The following ZNF675 variants were observed in gnomAD, a reference collection of about 807,000 sequenced individuals.
ZNF675 encodes the protein zinc finger protein 675, also known as TRAF6 inhibitory zinc finger.
A neutral mutation model predicts 56.1 loss-of-function variants in ZNF675; 36 were observed. The ratio of observed to expected loss-of-function variants is 0.64; its 90% confidence interval spans 0.49 to 0.85. The LOEUF (loss-of-function observed/expected upper bound fraction) is 0.85. ZNF675 is among the 40% of genes least tolerant of loss of function. The pLI is 0.00. For missense variants in ZNF675, 663 were observed against 654.2 expected, an observed-to-expected ratio of 1.01 and a Z score of -0.15; for synonymous variants, 200 against 218.9, an observed-to-expected ratio of 0.91 and a Z score of 0.76.
intron 3 of ZNF675, among the ~76,000 whole-genome samples, chr19:23,659,014 T>C (rs1347720878): frequency 6.9e-6 from 1 of 145,380 alleles, no homozygotes; most frequent in African/African-American, 2.7e-5. Context: ...TATAAAATGT[T>C]AAATATATAA....
At chr19:23,673,607 A>G (rs1232600517) in intron 1 of ZNF675, among the ~76,000 whole-genome samples, 3 of 152,210 alleles carry the variant, frequency 2.0e-5, no homozygotes, top group African/African-American at 4.8e-5. Context: ...TTGGCACCTT[A>G]TATGTTTCTA....
chr19:23,657,956 A>C (rs1968009714), intron 3 of ZNF675, among the ~76,000 whole-genome samples: 1 of 152,200 alleles, frequency 6.6e-6, no homozygotes, highest in Admixed American at 6.5e-5. Context: ...AAACAAAAAA[A>C]CAATAAACAG....
chr19:23,676,005 G>A (rs1379488603), intron 1 of ZNF675, among the ~76,000 whole-genome samples: 3 of 146,950 alleles, frequency 2.0e-5, no homozygotes, highest in African/African-American at 2.5e-5. Flanking sequence ...AACACAATTA[G>A]TAATGACAAA....
rs1445842914 is a variant in ZNF675, at chr19:23,653,698, G to A, written c.1235C>T (p.Thr412Ile). The A allele has an allele frequency of 1.9e-6, 3 of 1,613,758 alleles. No individual in the cohort carries two copies. The highest frequency in any genetic ancestry group is 1.7e-4 in the Middle Eastern group (1 of 6,060). ...GKAFKHSSAL[T>I]THKRIHTGEK... ...TCCAGTGTGAATTCTCTTATGTGTA[G>A]TAAGGGCTGAGGAGTGTTTAAAAGC... Residue 412 changes from threonine to isoleucine, a missense_variant, in exon 4 of 4, where the codon ACT becomes ATT. Physicochemically the swap from Thr to Ile is moderately conservative, Grantham distance 89 (BLOSUM62 -1). Around this residue, in one of 3 missense-constraint regions of ZNF675, gnomAD observed 617 missense variants for 590.5 expected, o/e 1.04. Transcript: ENST00000359788.
At chr19:23,685,203 G>T (rs1968427919) in intron 1 of ZNF675, among the ~76,000 whole-genome samples, 1 of 152,078 alleles carries the variant, frequency 6.6e-6, no homozygotes, top group Admixed American at 6.6e-5. Context: ...GACCTCAGGT[G>T]ATCCACCGCC....
intron 1 of ZNF675, among the ~76,000 whole-genome samples, chr19:23,664,684 C>T (rs1178588570): frequency 6.6e-6 from 1 of 152,192 alleles, no homozygotes; most frequent in Admixed American, 6.5e-5. Flanking sequence ...GGAACAGTGG[C>T]TCACACCTGT....
At chr19:23,663,572 A>C (rs1038527073) in intron 1 of ZNF675, among the ~76,000 whole-genome samples, 1 of 152,072 alleles carries the variant, frequency 6.6e-6, no homozygotes, top group African/African-American at 2.4e-5. Context: ...CATGCATGTA[A>C]TCCCAGCTAC....
chr19:23,658,986 G>T (rs1202455869), intron 3 of ZNF675, among the ~76,000 whole-genome samples: 11 of 138,178 alleles, frequency 8.0e-5, no homozygotes, highest in African/African-American at 2.5e-4. Context: ...TCTAGAGATA[G>T]AGATCGAGAT....
At chr19:23,658,954 G>GATAT in intron 3 of ZNF675, among the ~76,000 whole-genome samples, 1 of 10,272 alleles carries the variant, frequency 9.7e-5, no homozygotes, top group East Asian at 1.5e-3. Context: ...TAGATCTCTA[G>GATAT]AGATCTATAG....
rs1223944262 is a variant in ZNF675 at position 23,654,131 on chromosome 19, A to C, written c.802T>G (p.Ser268Ala). 3.1e-6 allele frequency: 5 copies of C among 1,613,902 alleles called. No individual in the cohort carries two copies. Among genetic ancestry groups the C allele is most frequent in the Non-Finnish European group, 4.2e-6 (5 of 1,179,992 alleles). Residue 268 changes from serine to alanine, a missense_variant, in exon 4 of 4, where the codon TCC becomes GCC. By Grantham distance (99) the Ser-to-Ala change is moderately conservative. This residue lies in a region of ZNF675 where 617 missense variants were observed against 590.5 expected (regional missense o/e 1.04). Coordinates refer to ENST00000359788, the MANE Select transcript of ZNF675 (RefSeq NM_138330.3). ...ATCTTATGTGTAGTAAGGTGTGAGGACTGGTTAAAGGCTTTGCCACATTCT... is the reference window on the plus strand; with the variant it reads ...ATCTTATGTGTAGTAAGGTGTGAGGCCTGGTTAAAGGCTTTGCCACATTCT... ...CEECGKAFNQSSHLTTHKIIH... is the reference protein window; with the variant it reads ...CEECGKAFNQASHLTTHKIIH...
At chr19:23,670,114 C>T (rs1001852681) in intron 1 of ZNF675, among the ~76,000 whole-genome samples, 2 of 152,126 alleles carry the variant, frequency 1.3e-5, no homozygotes, top group African/African-American at 4.8e-5. Context: ...CTATGAGCAA[C>T]TCTTAATCTA....
chr19:23,666,186 T>G (rs1169079525), intron 1 of ZNF675, among the ~76,000 whole-genome samples: 1 of 152,180 alleles, frequency 6.6e-6, no homozygotes, highest in African/African-American at 2.4e-5. Context: ...CCTTTGCAAA[T>G]CCCCACCTTT....
chr19:23,654,757 T>C, intron 3 of ZNF675, 51 bp from the exon 4 acceptor site: 2 of 1,397,892 alleles, frequency 1.4e-6, no homozygotes, highest in Non-Finnish European at 1.9e-6. Flanking sequence ...ATAAATATAC[T>C]TTCCAAACCT....
At chr19:23,675,650 A>G (rs1968285646) in intron 1 of ZNF675, among the ~76,000 whole-genome samples, 1 of 151,782 alleles carries the variant, frequency 6.6e-6, no homozygotes, top group Admixed American at 6.6e-5. Context: ...TTTAAAATAA[A>G]TGAGAACAAA....
At chr19:23,663,763 T>A (rs962986397) in intron 1 of ZNF675, among the ~76,000 whole-genome samples, 3 of 152,222 alleles carry the variant, frequency 2.0e-5, no homozygotes, top group African/African-American at 7.2e-5. Flanking sequence ...CGTAGCTTTT[T>A]GAGTGCTTCA....
intron 1 of ZNF675, among the ~76,000 whole-genome samples, chr19:23,682,166 T>C (rs1305266051): frequency 6.6e-6 from 1 of 151,776 alleles, no homozygotes; most frequent in East Asian, 1.9e-4. Context: ...AACTAAACTT[T>C]GAGCTACACT....
chr19:23,678,585 T>G (rs1401884265), intron 1 of ZNF675, among the ~76,000 whole-genome samples: 2 of 131,034 alleles, frequency 1.5e-5, no homozygotes, highest in African/African-American at 5.9e-5. Flanking sequence ...AAAAAAAAAT[T>G]AAATACATAT....
intron 1 of ZNF675, among the ~76,000 whole-genome samples, chr19:23,673,690 G>A (rs184155660): frequency 6.6e-6 from 1 of 152,172 alleles, no homozygotes; most frequent in Non-Finnish European, 1.5e-5. Context: ...GGGGCAAGGG[G>A]AGGGAGAGCA....
intron 1 of ZNF675, among the ~76,000 whole-genome samples, chr19:23,673,054 T>C (rs564570228): frequency 3.3e-5 from 5 of 152,346 alleles, no homozygotes; most frequent in Admixed American, 2.6e-4. Context: ...TGAATACATA[T>C]AGTTGAAAGT....
Sources: allele counts gnomAD v4.1 joint callset (sites outside exome capture counted in the v4.1 genomes callset), GRCh38; gene constraint gnomAD v4.1.1; regional missense constraint gnomAD v4.1.1; transcripts MANE v1.5; gene names NCBI Gene and HGNC (gene_info 2026-07-23, HGNC 2026-07-21).